Variants in MYO9A observed in about 807,000 individuals in gnomAD.
MYO9A encodes myosin IXA.
In MYO9A, 103 loss-of-function variants were observed where a neutral mutation model predicts 293.3. That is an observed-to-expected ratio of 0.35 (90% CI 0.30 to 0.41). The LOEUF is 0.41. MYO9A is among the 10% of genes least tolerant of loss of function. MYO9A has a pLI of 1.00. For missense variants in MYO9A, 2,685 were observed against 3,033.0 expected, an observed-to-expected ratio of 0.89 and a Z score of 2.69; for synonymous variants, 1,001 against 1,035.7, an observed-to-expected ratio of 0.97 and a Z score of 0.64.
chr15:71,825,801 CATG>C lies in MYO9A; in HGVS notation c.*776_*778del, dbSNP rs1296576421. 6.6e-6 allele frequency: 1 copy of C among 152,128 alleles called. No homozygotes were observed. The highest frequency in any genetic ancestry group is 1.5e-5 in the Non-Finnish European group (1 of 68,026). 9.4% of individuals were successfully genotyped at this position (152,128 alleles called of 1,614,324 possible). A position where few individuals can be genotyped will look rare whatever the true frequency, so the allele number is the denominator to read the frequency against. ...AGAATCTGATCCTAGGACCAAGAAA[CATG>C]AGAACAGTATGGCTACTGACACTTC... is the stretch of plus-strand genomic sequence containing the variant. On this transcript the variant is annotated 3_prime_UTR_variant, in exon 42 of 42. Transcript: ENST00000356056.
intron 1 of MYO9A, among the ~76,000 whole-genome samples, chr15:72,110,136 A>T (rs1340088901): frequency 6.6e-6 from 1 of 151,792 alleles, no homozygotes; most frequent in African/African-American, 2.4e-5. Flanking sequence ...TCAAGAAAAA[A>T]ACAAAAAGGA....
intron 14 of MYO9A, chr15:71,953,592 G>C (rs2146652328): frequency 6.6e-6 from 1 of 152,180 alleles, no homozygotes; most frequent in South Asian, 2.1e-4. Context: ...ATAAACTGTG[G>C]CACTGCCATT....
intron 27 of MYO9A, among the ~76,000 whole-genome samples, chr15:71,887,088 A>G (rs1432044909): frequency 6.6e-6 from 1 of 152,176 alleles, no homozygotes; most frequent in Non-Finnish European, 1.5e-5. Flanking sequence ...GAACAGAATT[A>G]TCTCCTGAAA....
intron 32 of MYO9A, among the ~76,000 whole-genome samples, chr15:71,869,064 G>A (rs547972040): frequency 1.5e-5 from 2 of 131,098 alleles, no homozygotes; most frequent in South Asian, 4.8e-4. Flanking sequence ...ATGACTGATG[G>A]AATTTTTAAA....
intron 33 of MYO9A, among the ~76,000 whole-genome samples, chr15:71,861,578 T>TATCCATCCATCC (rs199561922): frequency 1.4e-5 from 2 of 147,638 alleles, no homozygotes; most frequent in African/African-American, 2.5e-5. Context: ...TTTATTCATT[T>TATCCATCCATCC]ATCCATCCAT....
intron 41 of MYO9A, 91 bp downstream of exon 41, chr15:71,827,793 A>ACT (rs2054568527): frequency 7.2e-7 from 1 of 1,382,354 alleles, no homozygotes; most frequent in African/African-American, 1.5e-5. Context: ...TACAGTCAGT[A>ACT]AATTCTTAAA....
intron 1 of MYO9A, among the ~76,000 whole-genome samples, chr15:72,100,851 C>T (rs1437714572): frequency 6.6e-6 from 1 of 151,362 alleles, no homozygotes; most frequent in Non-Finnish European, 1.5e-5. Context: ...CGGCCAGCCG[C>T]CCCGTCCGGG....
Position 72,113,470 on chromosome 15 carries a change from T to C in MYO9A, c.-72+4210A>G, listed in dbSNP as rs377714173. Among the ~76,000 whole-genome samples the C allele has an allele frequency of 1.9e-4, 29 of 152,262 alleles. No homozygotes were observed. The South Asian group carries it at 6.0e-3, about 32-fold the overall frequency. ...TAAAGTATGTAAGGAAGACAGCAAG[T>C]GAAGAAAAGCTAGAGAATTAAGAGT... On this transcript the variant is annotated intron_variant, in intron 1 of 41. Coordinates refer to ENST00000356056, the MANE Select transcript of MYO9A (RefSeq NM_006901.4).
At chr15:72,022,773 C>T (rs1027967976) in intron 4 of MYO9A, among the ~76,000 whole-genome samples, 1 of 151,934 alleles carries the variant, frequency 6.6e-6, no homozygotes, top group African/African-American at 2.4e-5. Flanking sequence ...GTCTCGAACT[C>T]GTGGGGGCTC....
intron 32 of MYO9A, among the ~76,000 whole-genome samples, chr15:71,867,929 T>A (rs532975398): frequency 2.0e-5 from 3 of 152,182 alleles, no homozygotes; most frequent in Admixed American, 2.0e-4. Flanking sequence ...TAGCCAGTTG[T>A]GAAATAGATT....
chr15:72,077,745 AAAAAAAAATAT>A lies in MYO9A; in HGVS notation c.-71-31122_-71-31112del, dbSNP rs1460634646. On this transcript the variant is annotated intron_variant, in intron 1 of 41. Coordinates refer to ENST00000356056, the MANE Select transcript of MYO9A (RefSeq NM_006901.4). Reference sequence around the variant, plus strand: ...ACTCTGTCTCAAAGAAAAAAAAAAAAAAAAAAAATATATATATATATATATATATATATATA... The same window carrying A: ...ACTCTGTCTCAAAGAAAAAAAAAAAAATATATATATATATATATATATATA... 9.9e-3 allele frequency among the ~76,000 whole-genome samples: 433 copies of A among 43,534 alleles called. 1 individual carries two copies. The highest frequency in any genetic ancestry group is 0.03 in the African/African-American group (408 of 13,732). 28.6% of individuals were successfully genotyped at this position (43,534 alleles called of 152,430 possible). A position where few individuals can be genotyped will look rare whatever the true frequency, so the allele number is the denominator to read the frequency against.
chr15:71,982,264 C>G (rs1317946638), intron 11 of MYO9A, among the ~76,000 whole-genome samples: 1 of 151,936 alleles, frequency 6.6e-6, no homozygotes, highest in Non-Finnish European at 1.5e-5. Context: ...TCGTGATCTG[C>G]CCACCTCAGC....
intron 1 of MYO9A, among the ~76,000 whole-genome samples, chr15:72,100,930 G>GC (rs2080273197): frequency 7.8e-6 from 1 of 127,984 alleles, no homozygotes; most frequent in Non-Finnish European, 1.7e-5. Flanking sequence ...GGGGGGGTCA[G>GC]CCCCCCGCCC....
chr15:72,014,756 A>AAGAAAGAAAGAAAG (rs554247621), intron 6 of MYO9A, among the ~76,000 whole-genome samples: 1 of 151,798 alleles, frequency 6.6e-6, no homozygotes, highest in Non-Finnish European at 1.5e-5. Flanking sequence ...AAAGGAAAGA[A>AAGAAAGAAAGAAAG]AGAAAGAAAG....
chr15:71,848,662 A>C (rs1377418253), intron 39 of MYO9A, among the ~76,000 whole-genome samples, 183 bp downstream of exon 39: 1 of 152,234 alleles, frequency 6.6e-6, no homozygotes, highest in Non-Finnish European at 1.5e-5. Context: ...TAGATTCTAT[A>C]ATGTAACTAA....
At chr15:71,921,017 T>A (rs1475118791) in intron 18 of MYO9A, among the ~76,000 whole-genome samples, 1 of 152,080 alleles carries the variant, frequency 6.6e-6, no homozygotes, top group African/African-American at 2.4e-5. Context: ...GTAAAATTAG[T>A]TTGAGCATGA....
chr15:71,937,891 T>C (rs1032514474), intron 16 of MYO9A, among the ~76,000 whole-genome samples: 1 of 152,154 alleles, frequency 6.6e-6, no homozygotes, highest in South Asian at 2.1e-4. Flanking sequence ...AGGTTAACTA[T>C]CTAATTTGTG....
Position 72,099,617 on chromosome 15 carries a change from C to A in MYO9A, c.-72+18063G>T, listed in dbSNP as rs533329150. 5.6e-3 allele frequency among the ~76,000 whole-genome samples: 847 copies of A among 151,030 alleles called. 12 individuals carry two copies. The highest frequency in any genetic ancestry group is 0.019 in the African/African-American group (800 of 41,182). ...CTTGTCTCAAAAAAAGAAAAAAAAA[C>A]CAAGGCTGGGCGCGGTGGCTCATGC... On this transcript the variant is annotated intron_variant, in intron 1 of 41. Transcript: ENST00000356056.
intron 12 of MYO9A, among the ~76,000 whole-genome samples, chr15:71,971,185 A>G (rs1244515262): frequency 6.6e-6 from 1 of 151,628 alleles, no homozygotes. Flanking sequence ...AAAAAAAAAG[A>G]AGTGACATTC....
Sources: gnomAD v4.1 joint callset for allele counts (sites outside exome capture counted in the v4.1 genomes callset) on GRCh38, gnomAD v4.1.1 for gene constraint, MANE v1.5 for transcripts, NCBI Gene and HGNC (gene_info 2026-07-23, HGNC 2026-07-21) for gene names.